EPHA6: variants seen among roughly 807,000 people sequenced by gnomAD.
EPHA6 encodes the protein EPH receptor A6, also known as ephrin type-A receptor 6.
EPHA6 carries 50 observed loss-of-function variants against 112.0 expected under a neutral mutation model. The observed-to-expected ratio is 0.45, with a 90% CI of 0.36 to 0.56. The LOEUF (loss-of-function observed/expected upper bound fraction) is 0.56. Among genes scored for constraint, EPHA6 ranks in the 20% least tolerant of loss-of-function variants. EPHA6 has a pLI of 0.00. For synonymous variants in EPHA6, 529 were observed against 490.7 expected (o/e 1.08, Z -1.03); for missense variants, 1,280 against 1,417.4 (o/e 0.90, Z 1.56).
intron 5 of EPHA6, among the ~76,000 whole-genome samples, chr3:97,319,642 C>T (rs1414262950): frequency 1.3e-5 from 2 of 148,646 alleles, no homozygotes; most frequent in Admixed American, 6.7e-5. Context: ...TGCACTCCAG[C>T]CTGGGCGACA....
intron 11 of EPHA6, among the ~76,000 whole-genome samples, chr3:97,535,250 A>T (rs1169675876): frequency 1.3e-5 from 2 of 148,172 alleles, no homozygotes; most frequent in Non-Finnish European, 3.0e-5. Flanking sequence ...AAATGAGACC[A>T]GTGACCTCTA....
At chr3:97,067,721 C>G (rs535445149) in intron 3 of EPHA6, among the ~76,000 whole-genome samples, 2 of 152,112 alleles carry the variant, frequency 1.3e-5, no homozygotes, top group African/African-American at 4.8e-5. Context: ...GAATAAGACA[C>G]TGACAACTTG....
At chr3:97,709,726 G>C (rs2033867122) in intron 14 of EPHA6, among the ~76,000 whole-genome samples, 2 of 152,194 alleles carry the variant, frequency 1.3e-5, no homozygotes, top group South Asian at 4.1e-4. Flanking sequence ...TTTGGTGGGA[G>C]GTGATTGGAT....
intron 3 of EPHA6, among the ~76,000 whole-genome samples, chr3:97,145,555 A>AATGCATTG (rs2108362471): frequency 1.3e-5 from 2 of 151,518 alleles, no homozygotes; most frequent in South Asian, 4.1e-4. Flanking sequence ...AAAACATTTT[A>AATGCATTG]ATGCATTGTG....
intron 11 of EPHA6, among the ~76,000 whole-genome samples, chr3:97,534,248 C>A (rs549958586): frequency 1.2e-4 from 19 of 152,174 alleles, no homozygotes; most frequent in African/African-American, 4.3e-4. Flanking sequence ...CAATAATATT[C>A]TTTATTGGGA....
chr3:96,939,104 G>A lies in EPHA6; in HGVS notation c.451-48226G>A, dbSNP rs1576103716. Among the ~76,000 whole-genome samples the A allele has an allele frequency of 4.6e-5, 7 of 152,280 alleles. No individual in the cohort carries two copies. The South Asian group carries it at 1.2e-3, about 27-fold the overall frequency. On this transcript the variant is annotated intron_variant, in intron 2 of 17. Transcript: ENST00000389672. ...TGTCTCTGCCAGGCTTTGGTATCAG[G>A]ATGATGCTGGCCTCATAAAGTAAGT...
intron 14 of EPHA6, among the ~76,000 whole-genome samples, chr3:97,659,145 A>G (rs2094154227): frequency 6.6e-6 from 1 of 151,994 alleles, no homozygotes; most frequent in Admixed American, 6.6e-5. Flanking sequence ...GGATTCCCAT[A>G]GTGGACTTTA....
intron 5 of EPHA6, among the ~76,000 whole-genome samples, chr3:97,278,549 G>C (rs1418913608): frequency 2.0e-5 from 3 of 152,158 alleles, no homozygotes; most frequent in Non-Finnish European, 4.4e-5. Flanking sequence ...CTGTGCACAG[G>C]TTGTCAATTC....
intron 3 of EPHA6, among the ~76,000 whole-genome samples, chr3:97,123,597 TGTTAA>T (rs573219159): frequency 5.3e-4 from 80 of 152,204 alleles, no homozygotes; most frequent in African/African-American, 1.7e-3. Context: ...AGCATGTAAA[TGTTAA>T]GTTAATAGAG....
intron 5 of EPHA6, among the ~76,000 whole-genome samples, chr3:97,305,715 A>G (rs1305148155): frequency 6.6e-6 from 1 of 151,802 alleles, no homozygotes; most frequent in Non-Finnish European, 1.5e-5. Context: ...TGGGCCTGTC[A>G]GTGGGGATGG....
intron 3 of EPHA6, among the ~76,000 whole-genome samples, chr3:97,023,743 G>A (rs1057512311): frequency 1.3e-5 from 2 of 151,280 alleles, no homozygotes; most frequent in Admixed American, 6.6e-5. Flanking sequence ...CCTCCAATAA[G>A]GAAATAACTT....
At chr3:96,992,647 T>C (rs2043258925) in intron 3 of EPHA6, among the ~76,000 whole-genome samples, 1 of 152,108 alleles carries the variant, frequency 6.6e-6, no homozygotes, top group African/African-American at 2.4e-5. Flanking sequence ...TTCTAAGGGG[T>C]TACTCACCTT....
intron 3 of EPHA6, among the ~76,000 whole-genome samples, chr3:97,168,533 T>TTC (rs1194068535): frequency 7.9e-5 from 12 of 151,688 alleles, no homozygotes; most frequent in Admixed American, 3.3e-4. Flanking sequence ...CTCTGTGTGT[T>TTC]TCTCTCTCTC....
chr3:97,743,564 C>A (rs1232598554), intron 16 of EPHA6, among the ~76,000 whole-genome samples: 1 of 151,992 alleles, frequency 6.6e-6, no homozygotes, highest in Non-Finnish European at 1.5e-5. Flanking sequence ...ATAGTATGCA[C>A]CCATTTGAAT....
chr3:97,632,995 A>G (rs1387671679), intron 13 of EPHA6, among the ~76,000 whole-genome samples: 1 of 152,098 alleles, frequency 6.6e-6, no homozygotes, highest in Non-Finnish European at 1.5e-5. Flanking sequence ...TCAGCCTAAG[A>G]TGAATGGACA....
chr3:96,955,994 T>C (rs1290023593), intron 2 of EPHA6, among the ~76,000 whole-genome samples: 6 of 152,232 alleles, frequency 3.9e-5, no homozygotes, highest in African/African-American at 7.2e-5. Flanking sequence ...TTTATACTTA[T>C]GTGAATTTAT....
intron 2 of EPHA6, among the ~76,000 whole-genome samples, chr3:96,968,397 CA>C (rs2042201726): frequency 2.0e-5 from 3 of 149,646 alleles, no homozygotes; most frequent in Admixed American, 1.3e-4. Flanking sequence ...AGCACACACA[CA>C]CACACACACA....
intron 1 of EPHA6, among the ~76,000 whole-genome samples, chr3:96,856,721 C>A (rs918300363): frequency 4.6e-5 from 7 of 152,042 alleles, no homozygotes; most frequent in African/African-American, 1.7e-4. Context: ...GGAAATAGAT[C>A]TAGAGGATTT....
intron 3 of EPHA6, among the ~76,000 whole-genome samples, chr3:97,063,850 A>T (rs933364204): frequency 6.6e-6 from 1 of 152,200 alleles, no homozygotes; most frequent in African/African-American, 2.4e-5. Flanking sequence ...AGTAATAAAA[A>T]TAATTGAATG....
Sources: gnomAD v4.1 joint callset for allele counts (sites outside exome capture counted in the v4.1 genomes callset) on GRCh38, gnomAD v4.1.1 for gene constraint, MANE v1.5 for transcripts, NCBI Gene and HGNC (gene_info 2026-07-23, HGNC 2026-07-21) for gene names.